Variants in GATA3 observed in about 807,000 individuals in gnomAD.
GATA3 encodes the protein trans-acting T-cell-specific transcription factor GATA-3.
GATA3 carries 6 observed loss-of-function variants against 36.0 expected under a neutral mutation model. The ratio of observed to expected loss-of-function variants is 0.17; its 90% CI spans 0.09 to 0.33. GATA3 has a LOEUF of 0.33. Among genes scored for constraint, GATA3 ranks in the 10% least tolerant of loss-of-function variants. The pLI is 1.00. For synonymous variants in GATA3, 326 were observed against 273.0 expected (o/e 1.19, Z -1.92); for missense variants, 514 against 610.1 (o/e 0.84, Z 1.66).
chr10:8,073,998 C>T lies in GATA3; in HGVS notation c.1310C>T (p.Ser437Phe), dbSNP rs2131522994. Residue 437 changes from serine (S) to phenylalanine (F), a missense_variant, in exon 6 of 6, where the codon TCC becomes TTC. Ser to Phe is a radical substitution (Grantham distance 155, BLOSUM62 -2). Coordinates refer to ENST00000379328, the MANE Select transcript of GATA3 (RefSeq NM_001002295.2). Reference sequence around the variant, plus strand: ...CTGTCCTTTGGACCACACCACCCCTCCAGCATGGTCACCGCCATGGGTTAG... The same window carrying T: ...CTGTCCTTTGGACCACACCACCCCTTCAGCATGGTCACCGCCATGGGTTAG... The part of the protein sequence containing the change: ...SSLSFGPHHP[S>F]SMVTAMG The T allele has an allele frequency of 3.1e-6, 5 of 1,614,176 alleles. No individual in the cohort carries two copies. Among genetic ancestry groups the T allele is most frequent in the Non-Finnish European group, 4.2e-6 (5 of 1,180,022 alleles).
chr10:8,068,868 G>A (rs148153009), intron 4 of GATA3, among the ~76,000 whole-genome samples: 31 of 152,352 alleles, frequency 2.0e-4, no homozygotes, highest in African/African-American at 7.5e-4. Flanking sequence ...CCACACACTT[G>A]CACAGACATT....
Position 8,058,562 on chromosome 10 carries a change from C to A in GATA3, c.499C>A (p.Leu167Met). 2 of 1,612,710 alleles carry A rather than the reference C, an allele frequency of 1.2e-6. No individual in the cohort carries two copies. Among genetic ancestry groups the A allele is most frequent in the Non-Finnish European group, 1.7e-6 (2 of 1,179,922 alleles). The stretch of plus-strand genomic sequence containing the variant: ...GAAGGACGTCTCCCCGGACCCATCG[C>A]TGTCCACCCCAGGCTCGGCCGGCTC... The part of the protein sequence containing the change: ...PPKDVSPDPS[L>M]STPGSAGSAR... Residue 167 changes from leucine (L) to methionine (M), a missense_variant, in exon 3 of 6, where the codon CTG becomes ATG. Leu to Met is a conservative substitution (Grantham distance 15). Around this residue, in one of 3 missense-constraint regions of GATA3, gnomAD observed 381 missense variants for 354.3 expected, o/e 1.08. Coordinates refer to ENST00000379328, the MANE Select transcript of GATA3 (RefSeq NM_001002295.2).
At chr10:8,067,280 G>C (rs1348589998) in intron 4 of GATA3, among the ~76,000 whole-genome samples, 1 of 152,176 alleles carries the variant, frequency 6.6e-6, no homozygotes, top group Non-Finnish European at 1.5e-5. Flanking sequence ...TCTCCCTTAT[G>C]ATAGGCCAGG....
chr10:8,074,733 A>G lies in GATA3; in HGVS notation c.*710A>G, dbSNP rs964176416. 1.3e-5 allele frequency: 3 copies of G among 233,626 alleles called. No homozygotes were observed. Among genetic ancestry groups the G allele is most frequent in the Non-Finnish European group, 2.5e-5 (3 of 118,064 alleles). The allele number at this position is 233,626 out of a possible 1,614,324, so 14.5% of individuals were successfully genotyped here. A position where few individuals can be genotyped will look rare whatever the true frequency, so the allele number is the denominator to read the frequency against. The stretch of plus-strand genomic sequence containing the variant: ...GTATAATTCAAAGCACCAAAATAAG[A>G]AAAGATGTAGATTTATTTCATCATA... On this transcript the variant is annotated 3_prime_UTR_variant, in exon 6 of 6. Transcript: ENST00000379328.
intron 5 of GATA3, among the ~76,000 whole-genome samples, chr10:8,071,890 T>C (rs1428607471): frequency 6.6e-6 from 1 of 152,194 alleles, no homozygotes; most frequent in South Asian, 2.1e-4. Flanking sequence ...GTTGTGTGGC[T>C]ACTGGTGTAA....
upstream of GATA3, chr10:8,054,565 G>A (rs1395116153): frequency 6.6e-6 from 1 of 152,144 alleles, no homozygotes; most frequent in Non-Finnish European, 1.5e-5. The surrounding 1 kb of genome is among the most constrained non-coding windows in gnomAD (Gnocchi z 4.2). Context: ...TCCTGGAGCG[G>A]GTTTGGGTTG....
chr10:8,056,427 G>T (rs1274393882), intron 2 of GATA3, among the ~76,000 whole-genome samples: 1 of 152,200 alleles, frequency 6.6e-6, no homozygotes, highest in African/African-American at 2.4e-5. Context: ...AGGCCCCAGA[G>T]ACCTATTTAT....
intron 4 of GATA3, among the ~76,000 whole-genome samples, chr10:8,067,254 C>A (rs1208064142): frequency 6.6e-6 from 1 of 152,158 alleles, no homozygotes; most frequent in Admixed American, 6.5e-5. Flanking sequence ...AGATGGACAG[C>A]AAAAGACTCC....
intron 2 of GATA3, among the ~76,000 whole-genome samples, chr10:8,056,149 C>A (rs1365596133): frequency 6.6e-6 from 1 of 152,136 alleles, no homozygotes; most frequent in African/African-American, 2.4e-5. Flanking sequence ...GCTCACCTGG[C>A]GGGCGCCAGG....
intron 2 of GATA3, among the ~76,000 whole-genome samples, 165 bp from the exon 3 acceptor site, chr10:8,058,140 G>A (rs2131487569): frequency 6.6e-6 from 1 of 152,302 alleles, no homozygotes; most frequent in East Asian, 1.9e-4. Context: ...AGGTGTGCCA[G>A]GCAGGTACTC....
At position 8,055,669 on chromosome 10, in the gene GATA3, C is replaced by A; in HGVS notation, c.14C>A (p.Ala5Glu). 6.4e-7 allele frequency: 1 copy of A among 1,555,968 alleles called. No homozygotes were observed. The change falls in exon 2 of 6, where the codon GCG becomes GAG. Residue 5 changes from alanine to glutamate, a missense_variant. Physicochemically the swap from Ala to Glu is moderately radical, Grantham distance 107. Around this residue, in one of 3 missense-constraint regions of GATA3, gnomAD observed 381 missense variants for 354.3 expected, o/e 1.08. Coordinates refer to ENST00000379328, the MANE Select transcript of GATA3 (RefSeq NM_001002295.2). This position sits in a 1 kb window ranked among gnomAD's most constrained non-coding sequence, Gnocchi z 5.4. MEVT[A>E]DQPRWVSHHH... ...ACAGCCGAGGCCATGGAGGTGACGGCGGACCAGCCGCGCTGGGTGAGCCAC... is the reference window on the plus strand; with the variant it reads ...ACAGCCGAGGCCATGGAGGTGACGGAGGACCAGCCGCGCTGGGTGAGCCAC...
rs940443650 is a variant in GATA3 at position 8,055,063 on chromosome 10, G to T, written c.-370+172G>T. Reference sequence around the variant, plus strand: ...GAGGGAGGGACTTGCCCTCCAAGTCGTAACAGTCAGCCCTGGGACTTGCCC... The same window carrying T: ...GAGGGAGGGACTTGCCCTCCAAGTCTTAACAGTCAGCCCTGGGACTTGCCC... On this transcript the variant is annotated intron_variant, in intron 1 of 5. Coordinates refer to ENST00000379328, the MANE Select transcript of GATA3 (RefSeq NM_001002295.2). The surrounding 1 kb of genome is among the most constrained non-coding windows in gnomAD (Gnocchi z 5.4). Among the ~76,000 whole-genome samples, 2 of 152,058 alleles carry T rather than the reference G, an allele frequency of 1.3e-5. No homozygotes were observed. The highest frequency in any genetic ancestry group is 1.9e-4 in the East Asian group (1 of 5,164).
chr10:8,053,827 T>A (rs1273181712), upstream of GATA3: 3 of 151,926 alleles, frequency 2.0e-5, no homozygotes, highest in Non-Finnish European at 4.4e-5. The surrounding 1 kb of genome is among the most constrained non-coding windows in gnomAD (Gnocchi z 5.1). Flanking sequence ...GTCCCTAGAG[T>A]GAAGACCGAG....
At chr10:8,056,115 C>T (rs1832632654) in intron 2 of GATA3, among the ~76,000 whole-genome samples, 1 of 152,178 alleles carries the variant, frequency 6.6e-6, no homozygotes, top group African/African-American at 2.4e-5. Flanking sequence ...GCGCCTCTCC[C>T]GGCTGGTGGC....
At chr10:8,048,496 C>G (rs1036678643) in intron 1 of GATA3, among the ~76,000 whole-genome samples, 3 of 152,180 alleles carry the variant, frequency 2.0e-5, no homozygotes, top group African/African-American at 7.2e-5. Context: ...TAGCAAGCCC[C>G]TGGCTAGGAG....
upstream of GATA3, chr10:8,052,511 T>A (rs1832522866): frequency 1.3e-5 from 2 of 152,114 alleles, no homozygotes; most frequent in African/African-American, 4.8e-5. Flanking sequence ...GGCTCTGAGG[T>A]CTCCGCGCGC....
upstream of GATA3, chr10:8,051,411 T>G: frequency 4.6e-6 from 1 of 219,272 alleles, no homozygotes; most frequent in South Asian, 5.3e-5. Context: ...CCTGCTCGGC[T>G]GCGGGATGCT....
rs2131488879 is a variant in GATA3, at chr10:8,058,443, C to T, written c.380C>T (p.Pro127Leu). 3.1e-6 allele frequency: 5 copies of T among 1,612,876 alleles called. No individual in the cohort carries two copies. Among genetic ancestry groups the T allele is most frequent in the Non-Finnish European group, 3.4e-6 (4 of 1,179,912 alleles). ...AAGACGTCCATCCACCACGGCTCCC[C>T]GGGGCCCCTCTCCGTCTACCCCCCG... ...FSKTSIHHGSPGPLSVYPPAS... is the reference protein window; with the variant it reads ...FSKTSIHHGSLGPLSVYPPAS... Residue 127 changes from proline to leucine, a missense_variant, in exon 3 of 6, where the codon CCG becomes CTG. Around this residue, in one of 3 missense-constraint regions of GATA3, gnomAD observed 381 missense variants for 354.3 expected, o/e 1.08. Transcript: ENST00000379328.
At chr10:8,056,568 T>C (rs1409194670) in intron 2 of GATA3, among the ~76,000 whole-genome samples, 1 of 152,180 alleles carries the variant, frequency 6.6e-6, no homozygotes, top group African/African-American at 2.4e-5. Flanking sequence ...TGTCTTAAGT[T>C]TGAGGGATCT....
Sources: allele counts gnomAD v4.1 joint callset (sites outside exome capture counted in the v4.1 genomes callset), GRCh38; gene constraint gnomAD v4.1.1; regional missense constraint gnomAD v4.1.1; non-coding constraint Gnocchi (gnomAD v3.1); transcripts MANE v1.5; gene names NCBI Gene and HGNC (gene_info 2026-07-23, HGNC 2026-07-21).